Variants in PARN observed in about 807,000 individuals in gnomAD.
PARN encodes poly(A)-specific ribonuclease PARN.
Under a neutral mutation model 102.8 loss-of-function variants are expected in PARN, and 71 were observed. That is an observed-to-expected ratio of 0.69 (90% CI 0.57 to 0.84). The LOEUF (loss-of-function observed/expected upper bound fraction) is 0.84. Among genes scored for constraint, PARN ranks in the 40% least tolerant of loss-of-function variants. The pLI, the probability that PARN is intolerant of heterozygous loss-of-function variation, is 0.00. For missense variants in PARN, 782 were observed against 760.9 expected, an observed-to-expected ratio of 1.03 and a Z score of -0.33; for synonymous variants, 261 against 252.9, an observed-to-expected ratio of 1.03 and a Z score of -0.30.
chr16:14,451,869 C>CAAAAAAA (rs869041563), intron 22 of PARN, among the ~76,000 whole-genome samples: 9 of 52,492 alleles, frequency 1.7e-4, no homozygotes, highest in Admixed American at 2.8e-4. Context: ...AAAAAAAATA[C>CAAAAAAA]AAAAAAAAAA....
intron 16 of PARN, among the ~76,000 whole-genome samples, chr16:14,582,623 C>T (rs147474252): frequency 5.1e-4 from 78 of 151,600 alleles, no homozygotes; most frequent in Non-Finnish European, 9.7e-4. Context: ...TTTCTAAGGC[C>T]ATGAAAAGGA....
At chr16:14,464,371 G>A (rs963943107) in intron 22 of PARN, among the ~76,000 whole-genome samples, 6 of 152,178 alleles carry the variant, frequency 3.9e-5, no homozygotes, top group African/African-American at 1.4e-4. Context: ...AATAATGCAA[G>A]TGAGAAGAAA....
intron 14 of PARN, among the ~76,000 whole-genome samples, chr16:14,585,253 A>G (rs1445581915): frequency 1.3e-5 from 2 of 152,150 alleles, no homozygotes; most frequent in Non-Finnish European, 2.9e-5. Flanking sequence ...GCCAAAATCT[A>G]CAATCAGTAC....
At chr16:14,515,885 A>G (rs59239154) in intron 21 of PARN, among the ~76,000 whole-genome samples, 1,769 of 152,282 alleles carry the variant, frequency 0.012, 33 homozygotes, top group African/African-American at 0.041. Flanking sequence ...GGCTGCAGTG[A>G]GCTATGATAG....
At chr16:14,525,591 CTCCTGT>C (rs1965954126) in intron 21 of PARN, among the ~76,000 whole-genome samples, 2 of 152,116 alleles carry the variant, frequency 1.3e-5, no homozygotes, top group Non-Finnish European at 2.9e-5. Context: ...CAGCCTGTCC[CTCCTGT>C]TCATGGCACC....
chr16:14,540,866 G>A (rs1046840678), intron 21 of PARN, among the ~76,000 whole-genome samples: 31 of 152,296 alleles, frequency 2.0e-4, no homozygotes, highest in African/African-American at 7.2e-4. Context: ...CAGGAGGACT[G>A]CTTGAGCCCA....
At chr16:14,526,770 G>T (rs535643154) in intron 21 of PARN, among the ~76,000 whole-genome samples, 1 of 152,148 alleles carries the variant, frequency 6.6e-6, no homozygotes, top group East Asian at 1.9e-4. Context: ...CCAGTACTTG[G>T]AGCCGTCCAC....
At chr16:14,611,829 C>T (rs1049391617) in intron 6 of PARN, among the ~76,000 whole-genome samples, 2 of 152,180 alleles carry the variant, frequency 1.3e-5, no homozygotes, top group African/African-American at 4.8e-5. Flanking sequence ...GCCACGGCCA[C>T]CGCGCACGGC....
At position 14,618,684 on chromosome 16, in the gene PARN, G is replaced by A. The variant is rs535477749; in HGVS notation, c.328-1034C>T. On this transcript the variant is annotated intron_variant, in intron 5 of 23. Transcript: ENST00000437198. ...AAAAAAAAAAAAAAAATATTCCACT[G>A]GGCGAACGGATTATTCTCCCAATAG... Among the ~76,000 whole-genome samples, 192 of 151,646 alleles carry A rather than the reference G, an allele frequency of 1.3e-3. 2 individuals carry two copies. Among genetic ancestry groups the A allele is most frequent in the African/African-American group, 4.3e-3 (176 of 41,324 alleles).
chr16:14,549,761 A>G (rs1285916951), intron 21 of PARN, among the ~76,000 whole-genome samples: 2 of 152,208 alleles, frequency 1.3e-5, no homozygotes, highest in Non-Finnish European at 2.9e-5. Flanking sequence ...CTATTTTAAT[A>G]ATTACCTACC....
chr16:14,629,794 G>T, intron 1 of PARN, 120 bp from the exon 2 acceptor site: 1 of 781,712 alleles, frequency 1.3e-6, no homozygotes, highest in Non-Finnish European at 2.2e-6. Flanking sequence ...TCCCGGAGGT[G>T]TGCACCGGGG....
chr16:14,610,863 ATTTG>A (rs1002127831), intron 6 of PARN, 54 bp from the exon 7 acceptor site: 7 of 1,300,866 alleles, frequency 5.4e-6, no homozygotes, highest in Middle Eastern at 3.7e-4. Flanking sequence ...CTAACATAAA[ATTTG>A]TTTAACAAAC....
intron 18 of PARN, among the ~76,000 whole-genome samples, chr16:14,577,314 A>C (rs1969205442): frequency 6.6e-6 from 1 of 152,222 alleles, no homozygotes; most frequent in African/African-American, 2.4e-5. Flanking sequence ...ATCAAGGTTT[A>C]ATATCCTAAA....
At chr16:14,540,730 T>TG in intron 21 of PARN, among the ~76,000 whole-genome samples, 1 of 151,934 alleles carries the variant, frequency 6.6e-6, no homozygotes, top group Admixed American at 6.6e-5. Context: ...GGCAGGCAGG[T>TG]GGCTTGAGCC....
chr16:14,454,793 AT>A (rs1188041449), intron 22 of PARN, among the ~76,000 whole-genome samples: 3 of 152,230 alleles, frequency 2.0e-5, no homozygotes, highest in East Asian at 3.8e-4. Flanking sequence ...AATATTCTGC[AT>A]TTTTCATAGC....
intron 22 of PARN, among the ~76,000 whole-genome samples, chr16:14,453,144 TAAG>T (rs1229492972): frequency 6.6e-6 from 1 of 152,338 alleles, no homozygotes; most frequent in African/African-American, 2.4e-5. Flanking sequence ...TTATAATGAA[TAAG>T]AAGTGGACAT....
chr16:14,460,167 C>T (rs1367655009), intron 22 of PARN, among the ~76,000 whole-genome samples: 9 of 152,114 alleles, frequency 5.9e-5, no homozygotes, highest in Admixed American at 5.9e-4. Flanking sequence ...AATTTTTCAC[C>T]TCAACATCCT....
At chr16:14,500,311 G>A (rs1964519916) in intron 21 of PARN, among the ~76,000 whole-genome samples, 1 of 152,188 alleles carries the variant, frequency 6.6e-6, no homozygotes, top group Non-Finnish European at 1.5e-5. Flanking sequence ...TCCTGCCTCA[G>A]CCTCCCAAAG....
At position 14,612,714 on chromosome 16, in the gene PARN, C is replaced by T. The variant is rs562405616; in HGVS notation, c.389-1905G>A. 8.6e-5 allele frequency among the ~76,000 whole-genome samples: 13 copies of T among 151,976 alleles called. No individual in the cohort carries two copies. In the East Asian group the frequency reaches 2.2e-3, roughly 26 times the overall value. On this transcript the variant is annotated intron_variant, in intron 6 of 23. Coordinates refer to ENST00000437198, the MANE Select transcript of PARN (RefSeq NM_002582.4). ...TCGGGTTCAGGCAATTCTCCCGCCT[C>T]AGCCTCCCAAGTTGCTGGGATTACA...
Sources: allele counts gnomAD v4.1 joint callset (sites outside exome capture counted in the v4.1 genomes callset), GRCh38; gene constraint gnomAD v4.1.1; transcripts MANE v1.5; gene names NCBI Gene and HGNC (gene_info 2026-07-23, HGNC 2026-07-21).